Variants in LINGO1 observed in about 807,000 individuals in gnomAD.
LINGO1 encodes the protein leucine rich repeat and Ig domain containing 1, also known as leucine-rich repeat and immunoglobulin-like domain-containing nogo receptor-interacting protein 1.
LINGO1 carries 11 observed loss-of-function variants against 37.3 expected under a neutral mutation model. The ratio of observed to expected loss-of-function variants is 0.29; its 90% CI spans 0.19 to 0.49. The LOEUF (loss-of-function observed/expected upper bound fraction) is 0.49. LINGO1 is among the 20% of genes least tolerant of loss of function. The probability of loss-of-function intolerance (pLI) is 0.99; values close to 1 mark genes in which losing one functional copy is unlikely to be tolerated. For missense variants in LINGO1, 585 were observed against 878.2 expected, an observed-to-expected ratio of 0.67 and a Z score of 4.22; for synonymous variants, 387 against 403.0, an observed-to-expected ratio of 0.96 and a Z score of 0.48.
At position 77,656,527 on chromosome 15, in the gene LINGO1, C is replaced by T. The variant is rs563589810; in HGVS notation, c.-13+20562G>A. On this transcript the variant is annotated intron_variant, in intron 3 of 3. Coordinates refer to the LINGO1 transcript ENST00000559893. ...CGCCCTGCGCCCATATGGTGAGACT[C>T]GTGTGGCACCGGCTCAGAGGGGCCT... is the stretch of plus-strand genomic sequence containing the variant. 3.3e-5 allele frequency among the ~76,000 whole-genome samples: 5 copies of T among 152,310 alleles called. No homozygotes were observed. The East Asian group carries it at 9.7e-4, about 29-fold the overall frequency.
At chr15:77,640,171 G>A (rs2074473442) in intron 3 of LINGO1, among the ~76,000 whole-genome samples, 1 of 152,090 alleles carries the variant, frequency 6.6e-6, no homozygotes, top group Admixed American at 6.5e-5. Context: ...TCTGTGACTT[G>A]GGAGACACTC....
chr15:77,742,182 G>A (rs1289937539), intron 1 of LINGO1, among the ~76,000 whole-genome samples: 1 of 152,250 alleles, frequency 6.6e-6, no homozygotes, highest in Non-Finnish European at 1.5e-5. Flanking sequence ...GACTGGGCCA[G>A]AGAAGCTGTC....
chr15:77,677,682 C>A (rs1238399685), intron 2 of LINGO1, among the ~76,000 whole-genome samples: 1 of 152,162 alleles, frequency 6.6e-6, no homozygotes, highest in Non-Finnish European at 1.5e-5. Context: ...CCCGCCTCAG[C>A]CTGTGGTCTC....
chr15:77,660,279 C>T (rs904094094), intron 3 of LINGO1: 4 of 152,366 alleles, frequency 2.6e-5, no homozygotes, highest in East Asian at 1.9e-4. Flanking sequence ...CATGGTAAGA[C>T]GTGGAGGGGT....
chr15:77,766,495 C>T (rs2076531942), intron 1 of LINGO1, among the ~76,000 whole-genome samples: 1 of 152,120 alleles, frequency 6.6e-6, no homozygotes, highest in Admixed American at 6.5e-5. Context: ...GTGTTCCCAC[C>T]AAAATCTCAC....
intron 2 of LINGO1, among the ~76,000 whole-genome samples, chr15:77,687,681 T>C (rs1363738745): frequency 6.6e-6 from 1 of 152,238 alleles, no homozygotes; most frequent in Non-Finnish European, 1.5e-5. Context: ...AAGTGCTTTG[T>C]GGGTTATCCA....
chr15:77,770,587 C>CAAAAAAA (rs71145861), intron 1 of LINGO1, among the ~76,000 whole-genome samples: 3 of 79,326 alleles, frequency 3.8e-5, no homozygotes, highest in African/African-American at 1.1e-4. Flanking sequence ...GACTCTGTCT[C>CAAAAAAA]AAAAAAAAAA....
Position 77,615,555 on chromosome 15 carries a change from G to T in LINGO1, c.352C>A (p.Leu118Ile). Residue 118 changes from leucine to isoleucine, a missense_variant, in exon 2 of 2, where the codon CTC (leucine) becomes ATC (isoleucine). Physicochemically the swap from Leu to Ile is conservative, Grantham distance 5. Around this residue, in one of 4 missense-constraint regions of LINGO1, gnomAD observed 484 missense variants for 735.0 expected, o/e 0.66. Transcript: ENST00000355300. ...AGACCCAGCGTCCGGAGGTTGAAGA[G>T]GTTGTTGAAGGCGCCGGGCTCCACG... Reference protein sequence around the residue: ...SAVEPGAFNNLFNLRTLGLRS... With the variant: ...SAVEPGAFNNIFNLRTLGLRS... The T allele has an allele frequency of 6.2e-7, 1 of 1,613,082 alleles. No homozygotes were observed. The highest frequency in any genetic ancestry group is 8.5e-7 in the Non-Finnish European group (1 of 1,179,480).
chr15:77,810,694 T>A (rs1017850986), intron 1 of LINGO1, among the ~76,000 whole-genome samples: 1 of 152,202 alleles, frequency 6.6e-6, no homozygotes. Context: ...AAGTACGCCT[T>A]CTAGTTCCAG....
chr15:77,811,755 T>C (rs1411257738), intron 1 of LINGO1, among the ~76,000 whole-genome samples: 2 of 152,256 alleles, frequency 1.3e-5, no homozygotes, highest in East Asian at 3.8e-4. Flanking sequence ...TCTTATTTTT[T>C]AGAGATGGAT....
chr15:77,621,154 A>G (rs2073906190), intron 1 of LINGO1, among the ~76,000 whole-genome samples: 1 of 151,676 alleles, frequency 6.6e-6, no homozygotes. Flanking sequence ...TCCCAGGTTC[A>G]AGTGATTTTC....
At chr15:77,649,597 G>A (rs184306090) in intron 3 of LINGO1, among the ~76,000 whole-genome samples, 10 of 152,312 alleles carry the variant, frequency 6.6e-5, no homozygotes, top group African/African-American at 2.4e-4. Context: ...GAGCTGAGGG[G>A]TAGGGCACTC....
intron 3 of LINGO1, among the ~76,000 whole-genome samples, chr15:77,656,292 C>G (rs1455278263): frequency 2.0e-5 from 3 of 152,194 alleles, no homozygotes; most frequent in Non-Finnish European, 4.4e-5. Context: ...CCAGACAGCT[C>G]CACTGCTCCC....
intron 1 of LINGO1, among the ~76,000 whole-genome samples, chr15:77,691,637 C>T (rs2075604674): frequency 6.6e-6 from 1 of 152,116 alleles, no homozygotes; most frequent in Non-Finnish European, 1.5e-5. Flanking sequence ...TCCCGGAAAA[C>T]TGTCACTCAG....
intron 2 of LINGO1, among the ~76,000 whole-genome samples, chr15:77,708,803 A>G (rs2075883994): frequency 6.6e-6 from 1 of 152,150 alleles, no homozygotes; most frequent in South Asian, 2.1e-4. Flanking sequence ...TACTCGGGAG[A>G]TTACTGGGTT....
chr15:77,731,427 G>A (rs1011738592), intron 2 of LINGO1, among the ~76,000 whole-genome samples: 4 of 152,320 alleles, frequency 2.6e-5, no homozygotes, highest in Middle Eastern at 3.4e-3. Flanking sequence ...CACTCCTGGT[G>A]CCCTCAGCCC....
At chr15:77,726,711 A>G (rs2076106009) in intron 2 of LINGO1, among the ~76,000 whole-genome samples, 1 of 152,268 alleles carries the variant, frequency 6.6e-6, no homozygotes, top group Non-Finnish European at 1.5e-5. Context: ...CATGACACCA[A>G]AAACACAGGC....
At chr15:77,696,342 C>G (rs1483365914) in intron 1 of LINGO1, 1 of 152,310 alleles carries the variant, frequency 6.6e-6, no homozygotes, top group Non-Finnish European at 1.5e-5. Context: ...TCCCTCCACC[C>G]CGGACTCTCC....
intron 1 of LINGO1, among the ~76,000 whole-genome samples, chr15:77,764,206 C>T (rs1338600599): frequency 6.6e-6 from 1 of 152,210 alleles, no homozygotes; most frequent in Admixed American, 6.5e-5. Context: ...GGATGCCTGT[C>T]ATCTCTCTGC....
Sources: allele counts gnomAD v4.1 joint callset (sites outside exome capture counted in the v4.1 genomes callset), GRCh38; gene constraint gnomAD v4.1.1; regional missense constraint gnomAD v4.1.1; transcripts MANE v1.5; gene names NCBI Gene and HGNC (gene_info 2026-07-23, HGNC 2026-07-21).